The following AATF variants were observed in gnomAD, a reference collection of about 807,000 sequenced individuals.
AATF encodes protein AATF.
Under a neutral mutation model 63.7 loss-of-function variants are expected in AATF, and 48 were observed. The ratio of observed to expected loss-of-function variants is 0.75; its 90% CI spans 0.60 to 0.96. The LOEUF is 0.96. Among genes scored for constraint, AATF ranks in the 40% least tolerant of loss-of-function variants. The pLI is 0.00. For missense variants in AATF, 639 were observed against 685.7 expected (o/e 0.93, Z 0.76); for synonymous variants, 258 against 247.7 (o/e 1.04, Z -0.39).
At chr17:37,034,096 G>T (rs1177732249) in intron 11 of AATF, among the ~76,000 whole-genome samples, 1 of 152,156 alleles carries the variant, frequency 6.6e-6, no homozygotes, top group Non-Finnish European at 1.5e-5. Flanking sequence ...AGCTGGTTTA[G>T]CTACTTAAGG....
At chr17:36,986,418 C>T (rs1023469119) in intron 4 of AATF, among the ~76,000 whole-genome samples, 199 bp from the exon 5 acceptor site, 2 of 152,196 alleles carry the variant, frequency 1.3e-5, no homozygotes, top group African/African-American at 2.4e-5. Context: ...GCTTGTTCCT[C>T]ACAACAATCC....
intron 2 of AATF, among the ~76,000 whole-genome samples, chr17:36,950,826 C>G (rs1044043583): frequency 3.3e-5 from 5 of 152,178 alleles, no homozygotes; most frequent in African/African-American, 1.2e-4. Context: ...AGTTGCTATA[C>G]TCCTTATGTT....
chr17:36,995,362 C>T (rs1201809859), intron 8 of AATF, among the ~76,000 whole-genome samples: 1 of 151,902 alleles, frequency 6.6e-6, no homozygotes, highest in African/African-American at 2.4e-5. Flanking sequence ...TATTAAAAGT[C>T]GATAATGTTG....
intron 11 of AATF, among the ~76,000 whole-genome samples, chr17:37,037,156 C>T (rs1390183462): frequency 1.3e-5 from 2 of 151,816 alleles, no homozygotes; most frequent in Non-Finnish European, 2.9e-5. Flanking sequence ...CTGCAGGCGC[C>T]CACCACCCCT....
At chr17:36,993,574 G>A (rs2071231667) in intron 8 of AATF, among the ~76,000 whole-genome samples, 1 of 152,172 alleles carries the variant, frequency 6.6e-6, no homozygotes, top group African/African-American at 2.4e-5. Flanking sequence ...ATTTGTCAGA[G>A]TAGTAAGCCT....
intron 10 of AATF, among the ~76,000 whole-genome samples, chr17:37,028,183 G>A (rs2071524394): frequency 6.6e-6 from 1 of 152,002 alleles, no homozygotes; most frequent in South Asian, 2.1e-4. Flanking sequence ...AGACTGAGGT[G>A]GGAGGATCAC....
chr17:37,047,005 G>A (rs912426231), intron 11 of AATF, among the ~76,000 whole-genome samples: 1 of 152,120 alleles, frequency 6.6e-6, no homozygotes, highest in Non-Finnish European at 1.5e-5. Context: ...ACTCTATTGC[G>A]GGGACCGTGG....
At chr17:36,953,417 C>G in intron 3 of AATF, 121 bp downstream of exon 3, 1 of 1,465,140 alleles carries the variant, frequency 6.8e-7, no homozygotes, top group Non-Finnish European at 9.1e-7. Flanking sequence ...TTGTGACATG[C>G]CCCACTTACC....
chr17:36,973,650 A>AG (rs1377416914), intron 4 of AATF, among the ~76,000 whole-genome samples: 1 of 152,228 alleles, frequency 6.6e-6, no homozygotes, highest in Non-Finnish European at 1.5e-5. Flanking sequence ...TTAGACTTTC[A>AG]GGGGGTCAGC....
chr17:36,959,150 A>G (rs183018676), intron 4 of AATF, among the ~76,000 whole-genome samples: 23 of 151,774 alleles, frequency 1.5e-4, no homozygotes, highest in African/African-American at 5.3e-4. Context: ...TCTCAAAAAA[A>G]ACAAACATAC....
chr17:37,018,911 G>A (rs2071447819), intron 8 of AATF, 94 bp from the exon 9 acceptor site: 1 of 999,820 alleles, frequency 1.0e-6, no homozygotes, highest in Non-Finnish European at 1.6e-6. Context: ...TTTTAGAGCT[G>A]TCACTATGCC....
At chr17:36,980,937 T>G (rs1304625023) in intron 4 of AATF, among the ~76,000 whole-genome samples, 1 of 151,804 alleles carries the variant, frequency 6.6e-6, no homozygotes, top group Non-Finnish European at 1.5e-5. Context: ...AGTACAGATT[T>G]GCAGATTTCA....
At chr17:37,006,050 A>G (rs1263983646) in intron 8 of AATF, among the ~76,000 whole-genome samples, 1 of 152,132 alleles carries the variant, frequency 6.6e-6, no homozygotes, top group East Asian at 1.9e-4. Context: ...TAGGAAGATC[A>G]CTTGAGCGCA....
rs796424851 is a variant in AATF at position 36,953,815 on chromosome 17, C to T, written c.740C>T (p.Ala247Val). ...LLEGRIKLQKALLTTNQLPQP... is the reference protein window; with the variant it reads ...LLEGRIKLQKVLLTTNQLPQP... ...GAAGGAAGGATCAAACTACAAAAAG[C>T]TCTGTTGACCACCAACCAGCTTCCT... is the stretch of plus-strand genomic sequence containing the variant. Residue 247 changes from alanine to valine, a missense_variant, in exon 4 of 12, where the codon GCT becomes GTT. By Grantham distance (64) the Ala-to-Val change is moderately conservative. Coordinates refer to ENST00000619387, the MANE Select transcript of AATF (RefSeq NM_012138.4). 32 of 1,614,022 alleles carry T rather than the reference C, an allele frequency of 2.0e-5. No homozygotes were observed. Among genetic ancestry groups the T allele is most frequent in the African/African-American group, 2.7e-5 (2 of 74,906 alleles).
chr17:37,023,418 T>TA (rs1458070599), intron 10 of AATF, among the ~76,000 whole-genome samples: 1 of 152,160 alleles, frequency 6.6e-6, no homozygotes, highest in Non-Finnish European at 1.5e-5. Flanking sequence ...TGCAATTAGA[T>TA]ACCTTTGCTT....
chr17:36,988,643 G>A lies in AATF; in HGVS notation c.1072G>A (p.Asp358Asn), dbSNP rs1458279885. 1.5e-5 allele frequency: 24 copies of A among 1,614,008 alleles called. No individual in the cohort carries two copies. The highest frequency in any genetic ancestry group is 2.2e-5 in the South Asian group (2 of 91,076). The change falls in exon 6 of 12, where the codon GAC (aspartate) becomes AAC (asparagine). Residue 358 changes from aspartate (D) to asparagine (N), a missense_variant. Physicochemically the swap from Asp to Asn is conservative, Grantham distance 23. Transcript: ENST00000619387. ...CAGCTTCATGGCAAAGCGCTTTGCC[G>A]ACTTTACAGTCTACAGGAACCGCAC... ...YPSFMAKRFA[D>N]FTVYRNRTLQ...
intron 11 of AATF, among the ~76,000 whole-genome samples, chr17:37,043,900 G>C (rs2071666042): frequency 6.6e-6 from 1 of 152,048 alleles, no homozygotes. Context: ...TTCTGAGAAG[G>C]ACTATTTTAA....
rs572116135 is a variant in AATF at position 37,054,616 on chromosome 17, T to G, written c.1620-1985T>G. The G allele has an allele frequency of 2.3e-4, 35 of 152,376 alleles. No homozygotes were observed. The East Asian group carries it at 6.8e-3, about 29-fold the overall frequency. The allele number at this position is 152,376 out of a possible 1,614,324, so 9.4% of individuals were successfully genotyped here. A position where few individuals can be genotyped will look rare whatever the true frequency, so the allele number is the denominator to read the frequency against. ...ACATGGGTTTCAGCATTTCACTCTC[T>G]GCTCCTGACACGTGAACCCTGCTGC... On this transcript the variant is annotated intron_variant, in intron 11 of 11. Coordinates refer to ENST00000619387, the MANE Select transcript of AATF (RefSeq NM_012138.4).
chr17:36,969,902 A>C (rs1267881048), intron 4 of AATF, among the ~76,000 whole-genome samples: 1 of 152,178 alleles, frequency 6.6e-6, no homozygotes, highest in Non-Finnish European at 1.5e-5. Context: ...GTGGAATTAT[A>C]CAGTTTGTAT....
Sources: allele counts gnomAD v4.1 joint callset (sites outside exome capture counted in the v4.1 genomes callset), GRCh38; gene constraint gnomAD v4.1.1; transcripts MANE v1.5; gene names NCBI Gene and HGNC (gene_info 2026-07-23, HGNC 2026-07-21).